Variants in TRAP1 observed in about 807,000 individuals in gnomAD.
The protein encoded by TRAP1 is heat shock protein 75 kDa, mitochondrial.
Under a neutral mutation model 89.1 loss-of-function variants are expected in TRAP1, and 102 were observed. The ratio of observed to expected loss-of-function variants is 1.15; its 90% confidence interval spans 0.98 to 1.35. The LOEUF is 1.35. Ranked by LOEUF, TRAP1 falls within the 40% of genes most tolerant of loss-of-function variation. TRAP1 has a pLI of 0.00. For synonymous variants in TRAP1, 508 were observed against 388.0 expected, an observed-to-expected ratio of 1.31 and a Z score of -3.64; for missense variants, 1,256 against 945.3, an observed-to-expected ratio of 1.33 and a Z score of -4.31.
chr16:3,689,879 C>CA (rs2051190071), intron 2 of TRAP1: 2 of 152,302 alleles, frequency 1.3e-5, no homozygotes, highest in African/African-American at 4.8e-5. Context: ...AAGGAGGTCT[C>CA]AGGGCAGGAC....
intron 4 of TRAP1, among the ~76,000 whole-genome samples, chr16:3,681,415 G>A (rs910488160): frequency 1.3e-5 from 2 of 152,122 alleles, no homozygotes; most frequent in Admixed American, 6.6e-5. Context: ...TCCCATTGTA[G>A]GCAGCACAGG....
At chr16:3,661,016 A>T (rs1024573) in intron 16 of TRAP1, 54,983 of 152,058 alleles carry the variant, frequency 0.36, 11,465 homozygotes, top group East Asian at 0.55. Context: ...TTTTGGTAAC[A>T]TGTTTATGTA....
intron 17 of TRAP1, 55 bp downstream of exon 17, chr16:3,658,738 G>T (rs1341208752): frequency 6.5e-7 from 1 of 1,542,884 alleles, no homozygotes; most frequent in East Asian, 2.3e-5. Context: ...CTGAAGGCAG[G>T]CTGGCAGGGC....
chr16:3,658,411 C>A (rs1009527410), intron 17 of TRAP1, 181 bp from the exon 18 acceptor site: 1 of 617,580 alleles, frequency 1.6e-6, no homozygotes, highest in Admixed American at 3.0e-5. Context: ...TGAGCCACCA[C>A]GCCTGGCCAT....
intron 7 of TRAP1, among the ~76,000 whole-genome samples, chr16:3,675,790 G>A (rs2050983004): frequency 6.6e-6 from 1 of 152,206 alleles, no homozygotes; most frequent in South Asian, 2.1e-4. Context: ...AAGGCCAAGG[G>A]CCACGCAGAG....
Position 3,669,137 on chromosome 16 carries a change from A to G in TRAP1, c.1235+2585T>C, listed in dbSNP as rs552567240. On this transcript the variant is annotated intron_variant, in intron 11 of 17. Transcript: ENST00000246957. ...ACAAGGTGGGGACAACTCCAGCACC[A>G]GCAATAATAATCCGGGAGTCAGCCC... is the stretch of plus-strand genomic sequence containing the variant. Among the ~76,000 whole-genome samples, 3 of 152,342 alleles carry G rather than the reference A, an allele frequency of 2.0e-5. No individual in the cohort carries two copies. In the East Asian group the frequency reaches 5.8e-4, roughly 29 times the overall value.
intron 6 of TRAP1, among the ~76,000 whole-genome samples, chr16:3,677,262 G>A (rs550763505): frequency 6.6e-6 from 1 of 152,242 alleles, no homozygotes; most frequent in African/African-American, 2.4e-5. Flanking sequence ...CTCAGCGCGG[G>A]CCGGACCTGC....
chr16:3,693,999 T>C (rs2051252497), intron 1 of TRAP1, among the ~76,000 whole-genome samples: 1 of 62,248 alleles, frequency 1.6e-5, no homozygotes, highest in Non-Finnish European at 2.8e-5. Context: ...AGACTCTGTC[T>C]CAAAAAAAAA....
chr16:3,706,632 A>G (rs968811274), intron 1 of TRAP1, among the ~76,000 whole-genome samples: 1 of 151,566 alleles, frequency 6.6e-6, no homozygotes, highest in African/African-American at 2.4e-5. Flanking sequence ...GCAATTTTTA[A>G]AAATTTTTTT....
intron 9 of TRAP1, 23 bp downstream of exon 9, chr16:3,674,316 G>T: frequency 6.2e-7 from 1 of 1,612,714 alleles, no homozygotes; most frequent in Non-Finnish European, 8.5e-7. Context: ...CCTGAGGGCC[G>T]TGGGACTGCC....
At chr16:3,689,744 G>A (rs1044881721) in intron 2 of TRAP1, 6 of 152,436 alleles carry the variant, frequency 3.9e-5, no homozygotes, top group Admixed American at 2.0e-4. Context: ...GGGGGCTGAG[G>A]TGGGAGGATC....
chr16:3,701,560 A>C (rs2051365556), intron 1 of TRAP1, among the ~76,000 whole-genome samples: 1 of 131,944 alleles, frequency 7.6e-6, no homozygotes, highest in African/African-American at 4.3e-5. Context: ...CAAAAAAAAA[A>C]AAAAAAAATA....
intron 4 of TRAP1, among the ~76,000 whole-genome samples, chr16:3,683,848 C>T (rs896005023): frequency 1.3e-5 from 2 of 151,214 alleles, no homozygotes; most frequent in South Asian, 2.1e-4. Flanking sequence ...TGTTGCCAGG[C>T]GACCCGCACA....
At position 3,705,088 on chromosome 16, in the gene TRAP1, G is replaced by A. The variant is rs544124220; in HGVS notation, c.88+12333C>T. On this transcript the variant is annotated intron_variant, in intron 1 of 17. Transcript: ENST00000246957. ...CACAGAACATTTTTTTTTTTGAGAC[G>A]GAGTCTCGCTCTGTCGCCCAGGCTG... Among the ~76,000 whole-genome samples, 283 of 151,644 alleles carry A rather than the reference G, an allele frequency of 1.9e-3. 2 individuals carry two copies. The highest frequency in any genetic ancestry group is 6.5e-3 in the African/African-American group (268 of 41,354).
chr16:3,691,932 C>G (rs763644151), intron 1 of TRAP1, among the ~76,000 whole-genome samples: 2 of 152,158 alleles, frequency 1.3e-5, no homozygotes, highest in African/African-American at 4.8e-5. Flanking sequence ...GGAAAGCAGC[C>G]AATGTGTCCC....
chr16:3,703,250 G>A (rs1687398837), intron 1 of TRAP1, among the ~76,000 whole-genome samples: 1 of 151,156 alleles, frequency 6.6e-6, no homozygotes, highest in Non-Finnish European at 1.5e-5. Context: ...AGAAAACTCT[G>A]AAACACTACT....
chr16:3,667,483 G>T (rs558426617), intron 11 of TRAP1, among the ~76,000 whole-genome samples: 234 of 151,700 alleles, frequency 1.5e-3, no homozygotes, highest in African/African-American at 5.5e-3. Flanking sequence ...AAATTACCAG[G>T]GCATGGTGGT....
At chr16:3,674,903 C>T (rs1376063518) in intron 8 of TRAP1, 2 of 320,170 alleles carry the variant, frequency 6.2e-6, no homozygotes, top group Non-Finnish European at 1.2e-5. Flanking sequence ...CCAGGAGAAA[C>T]GTCTGGAACA....
chr16:3,698,334 T>G (rs1035885689), intron 1 of TRAP1, among the ~76,000 whole-genome samples: 1 of 151,320 alleles, frequency 6.6e-6, no homozygotes, highest in Non-Finnish European at 1.5e-5. Flanking sequence ...TTTTTTTTTT[T>G]AGAGTCTCAC....
Sources: gnomAD v4.1 joint callset for allele counts (sites outside exome capture counted in the v4.1 genomes callset) on GRCh38, gnomAD v4.1.1 for gene constraint, MANE v1.5 for transcripts, NCBI Gene and HGNC (gene_info 2026-07-23, HGNC 2026-07-21) for gene names.